The following FAM135B variants were observed in gnomAD, a reference collection of about 807,000 sequenced individuals.
The protein encoded by FAM135B is protein FAM135B.
In FAM135B, 43 loss-of-function variants were observed where a neutral mutation model predicts 127.7. The observed-to-expected ratio is 0.34, with a 90% CI of 0.26 to 0.43. The LOEUF (loss-of-function observed/expected upper bound fraction) is 0.43. Among genes scored for constraint, FAM135B ranks in the 20% least tolerant of loss-of-function variants. The probability of loss-of-function intolerance (pLI) is 1.00; values close to 1 mark genes in which losing one functional copy is unlikely to be tolerated. For synonymous variants in FAM135B, 670 were observed against 665.1 expected (o/e 1.01, Z -0.11); for missense variants, 1,558 against 1,725.6 (o/e 0.90, Z 1.72).
chr8:138,403,407 G>A (rs898238462), intron 1 of FAM135B, among the ~76,000 whole-genome samples: 3 of 152,086 alleles, frequency 2.0e-5, no homozygotes, highest in African/African-American at 7.2e-5. Context: ...CAAGTCTATT[G>A]GGAGGGTTCA....
At chr8:138,350,098 C>T (rs1195156425) in intron 2 of FAM135B, among the ~76,000 whole-genome samples, 2 of 152,176 alleles carry the variant, frequency 1.3e-5, no homozygotes, top group East Asian at 1.9e-4. Context: ...TACACTCAGT[C>T]ACTCTGATAT....
intron 7 of FAM135B, among the ~76,000 whole-genome samples, chr8:138,226,184 T>TGTGTGTGTGTGTGTGTGCGCGCGTGCGC: frequency 1.4e-5 from 2 of 139,202 alleles, no homozygotes; most frequent in Non-Finnish European, 3.1e-5. Context: ...TGTGTGTGTG[T>TGTGTGTGTGTGTGTGTGCGCGCGTGCGC]GCGCGCATGT....
chr8:138,354,494 T>C (rs994776696), intron 2 of FAM135B, among the ~76,000 whole-genome samples: 1 of 152,116 alleles, frequency 6.6e-6, no homozygotes, highest in Non-Finnish European at 1.5e-5. Context: ...TCCTGATACC[T>C]CCTGGGTGGG....
intron 9 of FAM135B, among the ~76,000 whole-genome samples, chr8:138,186,915 C>A (rs1468746396): frequency 1.3e-5 from 2 of 152,180 alleles, no homozygotes; most frequent in African/African-American, 2.4e-5. Context: ...CCTGGGCCCA[C>A]CCCTTGGTGA....
chr8:138,326,106 C>T (rs984232200), intron 2 of FAM135B, among the ~76,000 whole-genome samples: 2 of 152,106 alleles, frequency 1.3e-5, no homozygotes, highest in East Asian at 3.9e-4. Flanking sequence ...CTGAAAAGTG[C>T]TTCCCCATCC....
chr8:138,140,138 C>T (rs1817005178), intron 17 of FAM135B, among the ~76,000 whole-genome samples: 1 of 152,196 alleles, frequency 6.6e-6, no homozygotes, highest in African/African-American at 2.4e-5. Flanking sequence ...GGAGGAAAGA[C>T]AGAGTGCAGA....
At chr8:138,259,689 C>A (rs564404295) in intron 4 of FAM135B, among the ~76,000 whole-genome samples, 2 of 152,106 alleles carry the variant, frequency 1.3e-5, no homozygotes, top group East Asian at 3.9e-4. Flanking sequence ...TCTACGACTT[C>A]CGGGTGGTAT....
chr8:138,279,111 A>G (rs1824066786), intron 3 of FAM135B, among the ~76,000 whole-genome samples: 1 of 152,154 alleles, frequency 6.6e-6, no homozygotes, highest in South Asian at 2.1e-4. Flanking sequence ...TTCCTCTGAC[A>G]TTCTTTTTTC....
chr8:138,391,421 C>T (rs1287088667), intron 1 of FAM135B, among the ~76,000 whole-genome samples: 1 of 152,096 alleles, frequency 6.6e-6, no homozygotes, highest in Non-Finnish European at 1.5e-5. Flanking sequence ...ATCCACTTCT[C>T]CCATCCACCA....
intron 3 of FAM135B, among the ~76,000 whole-genome samples, chr8:138,308,631 T>TG (rs1174255369): frequency 2.3e-3 from 2 of 866 alleles, no homozygotes; most frequent in Non-Finnish European, 0.016. Flanking sequence ...AAGAAAATAG[T>TG]TTTTTTTTTA....
chr8:138,322,031 A>G (rs1827484408), intron 2 of FAM135B, among the ~76,000 whole-genome samples: 1 of 152,224 alleles, frequency 6.6e-6, no homozygotes, highest in African/African-American at 2.4e-5. Context: ...CACGGAAGGA[A>G]CAATGGAGAC....
rs780005185 is a variant in FAM135B, at chr8:138,151,840, T to G, written c.2635A>C (p.Asn879His). The change falls in exon 13 of 20, where the codon AAT becomes CAT. Residue 879 changes from asparagine to histidine, a missense_variant. Asn to His is a moderately conservative substitution (Grantham distance 68). Coordinates refer to ENST00000395297, the MANE Select transcript of FAM135B (RefSeq NM_015912.4). ...NTPGVETKGL[N>H]LKIPRVIALE... ...GCTATGACGCGTGGTATTTTTAAAT[T>G]AAGACCTTTGGTTTCAACACCTGGA... 2 of 1,614,192 alleles carry G rather than the reference T, an allele frequency of 1.2e-6. No homozygotes were observed. Among genetic ancestry groups the G allele is most frequent in the Admixed American group, 3.3e-5 (2 of 60,030 alleles).
chr8:138,480,843 G>C (rs1301280589), intron 1 of FAM135B, among the ~76,000 whole-genome samples: 2 of 152,204 alleles, frequency 1.3e-5, no homozygotes, highest in Non-Finnish European at 2.9e-5. Flanking sequence ...TGGGTTCTGA[G>C]ACTGATCATC....
intron 1 of FAM135B, among the ~76,000 whole-genome samples, chr8:138,418,467 C>A (rs1269971903): frequency 6.6e-6 from 1 of 151,312 alleles, no homozygotes; most frequent in Non-Finnish European, 1.5e-5. Flanking sequence ...ACAAGATGAC[C>A]ATTCAAAATT....
chr8:138,178,249 A>T (rs970165337), intron 10 of FAM135B, among the ~76,000 whole-genome samples: 1 of 125,640 alleles, frequency 8.0e-6, no homozygotes, highest in Non-Finnish European at 1.7e-5. Context: ...CACCATCTCA[A>T]AGAAAAAAAA....
intron 4 of FAM135B, among the ~76,000 whole-genome samples, chr8:138,259,007 T>C (rs1359426928): frequency 6.6e-6 from 1 of 152,202 alleles, no homozygotes; most frequent in Non-Finnish European, 1.5e-5. Context: ...AAATTATCAT[T>C]ATACATATAC....
chr8:138,431,493 A>G (rs978407404), intron 1 of FAM135B, among the ~76,000 whole-genome samples: 2 of 152,210 alleles, frequency 1.3e-5, no homozygotes, highest in African/African-American at 4.8e-5. Flanking sequence ...TTGTAAATAA[A>G]GTTTTATTGG....
rs112273669 is a variant in FAM135B, at chr8:138,379,379, AT to A, written c.-19-11378del. ...TTTGGGAAGATCAACATAAATGTAT[AT>A]TTTTTTTTAGTAACATTATGGCTTT... On this transcript the variant is annotated intron_variant, in intron 1 of 19. Coordinates refer to ENST00000395297, the MANE Select transcript of FAM135B (RefSeq NM_015912.4). Among the ~76,000 whole-genome samples the A allele has an allele frequency of 9.2e-3, 1,394 of 151,422 alleles. 17 individuals are homozygous for A. The highest frequency in any genetic ancestry group is 0.031 in the African/African-American group (1,265 of 41,344).
At position 138,151,340 on chromosome 8, in the gene FAM135B, T is replaced by C; in HGVS notation, c.3135A>G (p.Ser1045=). 2 of 1,613,898 alleles carry C rather than the reference T, an allele frequency of 1.2e-6. No homozygotes were observed. Among genetic ancestry groups the C allele is most frequent in the Non-Finnish European group, 1.7e-6 (2 of 1,179,956 alleles). Residue 1045 remains serine (S), a synonymous_variant, in exon 13 of 20, where the codon TCA becomes TCG. Transcript: ENST00000395297. ...TGGCAGGGGTCTCCTTGGGCACAGA[T>C]GAGAAAGGGAGACAGGTGGCAGTGC... ...VSCTATCLPF[S]SVPKETPARA... is the part of the protein sequence containing the mutation.
Sources: allele counts gnomAD v4.1 joint callset (sites outside exome capture counted in the v4.1 genomes callset), GRCh38; gene constraint gnomAD v4.1.1; transcripts MANE v1.5; gene names NCBI Gene and HGNC (gene_info 2026-07-23, HGNC 2026-07-21).